The following MCTP1 variants were observed in gnomAD, a reference collection of about 807,000 sequenced individuals.
The protein encoded by MCTP1 is multiple C2 and transmembrane domain containing 1, also known as multiple C2 and transmembrane domain-containing protein 1.
A neutral mutation model predicts 120.6 loss-of-function variants in MCTP1; 69 were observed. The observed-to-expected ratio is 0.57, with a 90% CI of 0.47 to 0.70. MCTP1 has a LOEUF of 0.70. Among genes scored for constraint, MCTP1 ranks in the 30% least tolerant of loss-of-function variants. The pLI, the probability that MCTP1 is intolerant of heterozygous loss-of-function variation, is 0.00. For missense variants in MCTP1, 1,203 were observed against 1,248.8 expected (o/e 0.96, Z 0.55); for synonymous variants, 529 against 493.1 (o/e 1.07, Z -0.96).
chr5:94,808,124 A>G (rs1782724558), intron 17 of MCTP1, among the ~76,000 whole-genome samples: 1 of 152,150 alleles, frequency 6.6e-6, no homozygotes, highest in Admixed American at 6.5e-5. Flanking sequence ...GCTCCACCAC[A>G]TCATCAGAGT....
intron 2 of MCTP1, among the ~76,000 whole-genome samples, chr5:94,963,162 T>TG (rs1824700623): frequency 1.3e-5 from 2 of 152,114 alleles, no homozygotes; most frequent in African/African-American, 4.8e-5. Context: ...TGAATTTTGA[T>TG]GGGGAGGAAA....
intron 10 of MCTP1, among the ~76,000 whole-genome samples, chr5:94,908,199 G>T: frequency 6.6e-6 from 1 of 151,970 alleles, no homozygotes; most frequent in East Asian, 1.9e-4. Flanking sequence ...GGGAAAAAAT[G>T]TGCAATAAAG....
intron 1 of MCTP1, among the ~76,000 whole-genome samples, chr5:95,100,279 A>T (rs1375015821): frequency 5.9e-5 from 9 of 152,144 alleles, no homozygotes; most frequent in African/African-American, 1.9e-4. Context: ...ATAATAATAA[A>T]AAAAAATTAA....
chr5:95,267,307 A>AT (rs989741328), intron 1 of MCTP1, among the ~76,000 whole-genome samples: 19 of 152,072 alleles, frequency 1.2e-4, no homozygotes, highest in African/African-American at 2.2e-4. Flanking sequence ...CTGAAAATGT[A>AT]TTTTTTTATA....
intron 1 of MCTP1, among the ~76,000 whole-genome samples, chr5:95,150,230 T>A (rs756435322): frequency 7.9e-5 from 12 of 152,244 alleles, no homozygotes; most frequent in Non-Finnish European, 1.8e-4. Context: ...TAATTTGAAC[T>A]TTTATTGATG....
Position 95,096,999 on chromosome 5 carries a change from T to C in MCTP1, c.721-79515A>G, listed in dbSNP as rs1041962486. Reference sequence around the variant, plus strand: ...TGATGTTTAAATACATTACTCACTGTAGTTGTTCAAACACAGAGATTCCTA... The same window carrying C: ...TGATGTTTAAATACATTACTCACTGCAGTTGTTCAAACACAGAGATTCCTA... On this transcript the variant is annotated intron_variant, in intron 1 of 22. Transcript: ENST00000515393. Among the ~76,000 whole-genome samples, 9 of 152,320 alleles carry C rather than the reference T, an allele frequency of 5.9e-5. No individual in the cohort carries two copies. In the East Asian group the frequency reaches 1.5e-3, roughly 26 times the overall value.
At chr5:94,796,857 A>G (rs191598092) in intron 18 of MCTP1, among the ~76,000 whole-genome samples, 1 of 151,932 alleles carries the variant, frequency 6.6e-6, no homozygotes, top group African/African-American at 2.4e-5. Flanking sequence ...TGGTGCCTAG[A>G]AAGAACAGAA....
At chr5:94,873,990 G>A (rs1174108440) in intron 12 of MCTP1, among the ~76,000 whole-genome samples, 1 of 151,722 alleles carries the variant, frequency 6.6e-6, no homozygotes, top group Admixed American at 6.6e-5. Flanking sequence ...ATTTTGTGAA[G>A]TCCTTAATAT....
chr5:94,957,256 C>T (rs1167021995), intron 2 of MCTP1, among the ~76,000 whole-genome samples: 4 of 152,098 alleles, frequency 2.6e-5, no homozygotes, highest in Non-Finnish European at 5.9e-5. Context: ...TACAAGAGCT[C>T]CTGAAAGAAG....
At chr5:94,814,230 A>T (rs1784031959) in intron 17 of MCTP1, among the ~76,000 whole-genome samples, 1 of 152,212 alleles carries the variant, frequency 6.6e-6, no homozygotes, top group Admixed American at 6.5e-5. Context: ...AAAAATAAAT[A>T]CACAATACAC....
chr5:95,114,722 G>A (rs945652231), intron 1 of MCTP1, among the ~76,000 whole-genome samples: 1 of 152,226 alleles, frequency 6.6e-6, no homozygotes, highest in Non-Finnish European at 1.5e-5. Flanking sequence ...ACCTGCCCAG[G>A]GCCTGGGGGT....
At chr5:94,729,263 A>C (rs1762680346) in intron 19 of MCTP1, among the ~76,000 whole-genome samples, 1 of 152,178 alleles carries the variant, frequency 6.6e-6, no homozygotes, top group Non-Finnish European at 1.5e-5. Context: ...GCAACGCAGA[A>C]AGCCACTAGC....
At chr5:95,056,793 A>G (rs958831951) in intron 1 of MCTP1, among the ~76,000 whole-genome samples, 6 of 152,102 alleles carry the variant, frequency 3.9e-5, no homozygotes, top group African/African-American at 7.2e-5. Context: ...TGGGGGAAGT[A>G]CCACTTTCTA....
intron 1 of MCTP1, among the ~76,000 whole-genome samples, chr5:95,112,314 C>T (rs1218357200): frequency 6.6e-6 from 1 of 152,174 alleles, no homozygotes; most frequent in Non-Finnish European, 1.5e-5. Flanking sequence ...TTTAGAAGTA[C>T]ATGGATTTAA....
intron 16 of MCTP1, 38 bp downstream of exon 16, chr5:94,870,379 G>C (rs771276888): frequency 3.0e-6 from 4 of 1,334,502 alleles, no homozygotes; most frequent in Non-Finnish European, 4.3e-6. Flanking sequence ...GATATAATCA[G>C]GTCTTCCCAG....
At chr5:94,879,021 G>A (rs745797195) in intron 12 of MCTP1, among the ~76,000 whole-genome samples, 3 of 152,004 alleles carry the variant, frequency 2.0e-5, no homozygotes, top group Non-Finnish European at 4.4e-5. Flanking sequence ...AAACACTTCT[G>A]GAGAAAAGTG....
At chr5:95,089,375 T>C (rs1755678604) in intron 1 of MCTP1, among the ~76,000 whole-genome samples, 1 of 152,238 alleles carries the variant, frequency 6.6e-6, no homozygotes, top group African/African-American at 2.4e-5. Context: ...AAGTTTAATT[T>C]CAGAATCAAA....
rs986578881 is a variant in MCTP1, at chr5:95,146,714, A to G, written c.721-129230T>C. Among the ~76,000 whole-genome samples, 4 of 151,676 alleles carry G rather than the reference A, an allele frequency of 2.6e-5. No individual in the cohort carries two copies. The East Asian group carries it at 7.7e-4, about 29-fold the overall frequency. Reference sequence around the variant, plus strand: ...GTTTTGAGAGATGTTCTTGGTATTGATTTCTATTTTTATTGCCCTGTTGTC... The same window carrying G: ...GTTTTGAGAGATGTTCTTGGTATTGGTTTCTATTTTTATTGCCCTGTTGTC... On this transcript the variant is annotated intron_variant, in intron 1 of 22. Coordinates refer to ENST00000515393, the MANE Select transcript of MCTP1 (RefSeq NM_024717.7).
At chr5:95,275,994 T>C (rs949342969) in intron 1 of MCTP1, among the ~76,000 whole-genome samples, 2 of 152,168 alleles carry the variant, frequency 1.3e-5, no homozygotes, top group Non-Finnish European at 1.5e-5. Context: ...CAATGAACCA[T>C]GCTCAGTGAA....
Sources: gnomAD v4.1 joint callset for allele counts (sites outside exome capture counted in the v4.1 genomes callset) on GRCh38, gnomAD v4.1.1 for gene constraint, MANE v1.5 for transcripts, NCBI Gene and HGNC (gene_info 2026-07-23, HGNC 2026-07-21) for gene names.